The following PTPN13 variants were observed in gnomAD, a reference collection of about 807,000 sequenced individuals.
The protein encoded by PTPN13 is protein tyrosine phosphatase non-receptor type 13, also known as tyrosine-protein phosphatase non-receptor type 13.
PTPN13 carries 191 observed loss-of-function variants against 284.0 expected under a neutral mutation model. That is an observed-to-expected ratio of 0.67 (90% CI 0.60 to 0.76). The LOEUF is 0.76. Among genes scored for constraint, PTPN13 ranks in the 30% least tolerant of loss-of-function variants. The pLI, the probability that PTPN13 is intolerant of heterozygous loss-of-function variation, is 0.00. For missense variants in PTPN13, 2,797 were observed against 2,939.9 expected (o/e 0.95, Z 1.12); for synonymous variants, 986 against 1,022.3 (o/e 0.96, Z 0.68).
intron 1 of PTPN13, among the ~76,000 whole-genome samples, chr4:86,617,539 A>G (rs187529089): frequency 1.3e-5 from 2 of 152,272 alleles, no homozygotes; most frequent in African/African-American, 4.8e-5. Context: ...CTCATCATTT[A>G]GCATTAGGTA....
chr4:86,798,145 A>G lies in PTPN13; in HGVS notation c.6402-956A>G, dbSNP rs554909013. ...GAAACAAAAAGTCAGAAGGAGCCAA[A>G]TAAGGACTCTAAGATGGATTCCTGG... On this transcript the variant is annotated intron_variant, in intron 41 of 47. Transcript: ENST00000411767. 2.6e-5 allele frequency among the ~76,000 whole-genome samples: 4 copies of G among 152,342 alleles called. No homozygotes were observed. The South Asian group carries it at 6.2e-4, about 24-fold the overall frequency.
intron 6 of PTPN13, among the ~76,000 whole-genome samples, chr4:86,693,967 A>T (rs1304030968): frequency 1.3e-5 from 2 of 152,070 alleles, no homozygotes; most frequent in African/African-American, 4.8e-5. Context: ...GTGGTATTTC[A>T]TATTAAAAAT....
chr4:86,755,443 A>T (rs183397766), intron 20 of PTPN13, among the ~76,000 whole-genome samples: 4 of 151,976 alleles, frequency 2.6e-5, no homozygotes, highest in African/African-American at 9.6e-5. Flanking sequence ...TGTAAAATTG[A>T]TTTTAATGTT....
In PTPN13 at chr4:86,692,738, A is replaced by G. The variant is rs543927833; in HGVS notation, c.547-849A>G. Reference sequence around the variant, plus strand: ...CATTTTGTTTTAAAGGGAACTTAAAAGAGCATTGATTTAAATTTGTTATCC... The same window carrying G: ...CATTTTGTTTTAAAGGGAACTTAAAGGAGCATTGATTTAAATTTGTTATCC... On this transcript the variant is annotated intron_variant, in intron 5 of 47. Coordinates refer to ENST00000411767, the MANE Select transcript of PTPN13 (RefSeq NM_080683.3). Among the ~76,000 whole-genome samples the G allele has an allele frequency of 2.7e-3, 406 of 152,326 alleles. 2 individuals are homozygous for G. Among genetic ancestry groups the G allele is most frequent in the African/African-American group, 9.3e-3 (386 of 41,574 alleles).
At chr4:86,769,139 A>G (rs1032333242) in intron 28 of PTPN13, among the ~76,000 whole-genome samples, 15 of 152,186 alleles carry the variant, frequency 9.9e-5, no homozygotes, top group Non-Finnish European at 4.4e-5. Context: ...TAAGAAATTT[A>G]TTGAAATATT....
Position 86,684,118 on chromosome 4 carries a change from G to A in PTPN13, c.295-2592G>A, listed in dbSNP as rs114741624. ...GATATGTTAAAAAAAAAAAAAAGCT[G>A]TTTCCCTCAAGGAGGACAAACAAGG... On this transcript the variant is annotated intron_variant, in intron 3 of 47. Transcript: ENST00000411767. Among the ~76,000 whole-genome samples the A allele has an allele frequency of 3.4e-3, 512 of 148,548 alleles. 8 individuals carry two copies. Among genetic ancestry groups the A allele is most frequent in the African/African-American group, 0.012 (483 of 40,312 alleles).
Position 86,762,751 on chromosome 4 carries a change from C to G in PTPN13, c.3578C>G (p.Thr1193Ser). 1.2e-6 allele frequency: 2 copies of G among 1,601,738 alleles called. No individual in the cohort carries two copies. The highest frequency in any genetic ancestry group is 1.7e-6 in the Non-Finnish European group (2 of 1,169,502). ...GTGCCTTCTACTCCTGTGCATCTCA[C>G]CAATGAGATGAAAAACTACATGAAG... ...SKVPSTPVHL[T>S]NEMKNYMKKS... The change falls in exon 24 of 48, where the codon ACC becomes AGC. Residue 1193 changes from threonine (T) to serine (S), a missense_variant. By Grantham distance (58) the Thr-to-Ser change is moderately conservative. Coordinates refer to ENST00000411767, the MANE Select transcript of PTPN13 (RefSeq NM_080683.3).
At chr4:86,646,020 T>G (rs1344230976) in intron 2 of PTPN13, among the ~76,000 whole-genome samples, 1 of 152,132 alleles carries the variant, frequency 6.6e-6, no homozygotes, top group Non-Finnish European at 1.5e-5. Context: ...TATGGTCAAT[T>G]GATTTTCAAG....
At chr4:86,648,603 C>T (rs1724714169) in intron 2 of PTPN13, among the ~76,000 whole-genome samples, 1 of 152,028 alleles carries the variant, frequency 6.6e-6, no homozygotes, top group Admixed American at 6.6e-5. Flanking sequence ...TGTATATATG[C>T]CCCATTTTCT....
chr4:86,622,507 GA>G (rs560719907), intron 1 of PTPN13, among the ~76,000 whole-genome samples: 163 of 152,056 alleles, frequency 1.1e-3, no homozygotes, highest in Non-Finnish European at 2.1e-3. Context: ...AAAATGAAAG[GA>G]AAAAAGTTGA....
chr4:86,628,768 T>G (rs1472759130), intron 1 of PTPN13, among the ~76,000 whole-genome samples: 1 of 145,940 alleles, frequency 6.9e-6, no homozygotes, highest in Non-Finnish European at 1.5e-5. Context: ...TTTTTTGTTC[T>G]TGCGATAGTT....
chr4:86,787,713 C>T (rs1004603534), intron 40 of PTPN13, among the ~76,000 whole-genome samples: 1 of 151,478 alleles, frequency 6.6e-6, no homozygotes, highest in African/African-American at 2.4e-5. Flanking sequence ...TATTTGTATA[C>T]ATACATAATT....
chr4:86,758,145 G>C, intron 20 of PTPN13, 115 bp from the exon 21 acceptor site: 1 of 599,094 alleles, frequency 1.7e-6, no homozygotes, highest in Non-Finnish European at 2.8e-6. Context: ...TAAAATATAT[G>C]TTTAAGTGAC....
chr4:86,708,439 G>A (rs1216749672), intron 7 of PTPN13, among the ~76,000 whole-genome samples: 1 of 152,056 alleles, frequency 6.6e-6, no homozygotes, highest in East Asian at 1.9e-4. Context: ...AAAATTAAAG[G>A]TCAAACCAAT....
intron 2 of PTPN13, among the ~76,000 whole-genome samples, chr4:86,655,858 C>T (rs1190112021): frequency 6.6e-6 from 1 of 152,196 alleles, no homozygotes; most frequent in African/African-American, 2.4e-5. Flanking sequence ...GTTCCATTCT[C>T]CCCATCACTT....
chr4:86,748,994 T>C (rs1392812950), intron 17 of PTPN13, among the ~76,000 whole-genome samples: 2 of 152,160 alleles, frequency 1.3e-5, no homozygotes, highest in African/African-American at 4.8e-5. Context: ...TTTTTAAAAG[T>C]CTTTGTTTTT....
At chr4:86,614,445 A>T (rs984494352) in intron 1 of PTPN13, among the ~76,000 whole-genome samples, 2 of 152,194 alleles carry the variant, frequency 1.3e-5, no homozygotes, top group Non-Finnish European at 2.9e-5. Context: ...TACTATAAAA[A>T]ATTTAATCAT....
chr4:86,780,418 G>A lies in PTPN13; in HGVS notation c.5908G>A (p.Val1970Ile), dbSNP rs781409394. 1.1e-5 allele frequency: 17 copies of A among 1,610,678 alleles called. No individual in the cohort carries two copies. The highest frequency in any genetic ancestry group is 5.9e-6 in the Non-Finnish European group (7 of 1,178,446). Residue 1970 changes from valine to isoleucine, a missense_variant, in exon 36 of 48, where the codon GTC (valine) becomes ATC (isoleucine). Physicochemically the swap from Val to Ile is conservative, Grantham distance 29. Transcript: ENST00000411767. ...LKATRNDLPVVPSSKRSAVSA... is the reference protein window; with the variant it reads ...LKATRNDLPVIPSSKRSAVSA... ...ACAACACAGAAATGATCTTCCAGTGGTCCCCAGCTCAAAGAGGTCTGCTGT... is the reference window on the plus strand; with the variant it reads ...ACAACACAGAAATGATCTTCCAGTGATCCCCAGCTCAAAGAGGTCTGCTGT...
At chr4:86,667,513 A>T (rs1010022233) in intron 2 of PTPN13, among the ~76,000 whole-genome samples, 2 of 152,184 alleles carry the variant, frequency 1.3e-5, no homozygotes, top group African/African-American at 2.4e-5. Flanking sequence ...ATAATTTATG[A>T]CAAAACTATC....
Sources: gnomAD v4.1 joint callset for allele counts (sites outside exome capture counted in the v4.1 genomes callset) on GRCh38, gnomAD v4.1.1 for gene constraint, MANE v1.5 for transcripts, NCBI Gene and HGNC (gene_info 2026-07-23, HGNC 2026-07-21) for gene names.